ZMYND8: variants seen among roughly 807,000 people sequenced by gnomAD.
ZMYND8 encodes the protein MYND-type zinc finger-containing chromatin reader ZMYND8.
Under a neutral mutation model 140.8 loss-of-function variants are expected in ZMYND8, and 37 were observed. The observed-to-expected ratio is 0.26, with a 90% CI of 0.20 to 0.35. The LOEUF is 0.35. ZMYND8 is among the 10% of genes least tolerant of loss of function. The pLI, the probability that ZMYND8 is intolerant of heterozygous loss-of-function variation, is 1.00. For synonymous variants in ZMYND8, 592 were observed against 597.1 expected (o/e 0.99, Z 0.12); for missense variants, 1,068 against 1,570.0 (o/e 0.68, Z 5.40).
At chr20:47,238,673 AAAAAT>A in intron 15 of ZMYND8, 80 bp downstream of exon 15, 2 of 1,542,908 alleles carry the variant, frequency 1.3e-6, no homozygotes, top group South Asian at 2.4e-5. Flanking sequence ...ACTAAAAAAA[AAAAAT>A]AAAAGAGCAA....
intron 14 of ZMYND8, among the ~76,000 whole-genome samples, chr20:47,244,739 G>A (rs542528249): frequency 6.6e-6 from 1 of 152,328 alleles, no homozygotes; most frequent in East Asian, 1.9e-4. Context: ...GAAACTCTGA[G>A]CTAAGTTAAA....
At chr20:47,264,986 G>A (rs1447657328) in intron 11 of ZMYND8, among the ~76,000 whole-genome samples, 4 of 151,374 alleles carry the variant, frequency 2.6e-5, no homozygotes, top group South Asian at 2.1e-4. Flanking sequence ...GCAGTGAACC[G>A]TGATCATGCC....
intron 1 of ZMYND8, chr20:47,355,464 A>C (rs2083144586): frequency 2.0e-6 from 2 of 985,372 alleles, no homozygotes; most frequent in African/African-American, 3.5e-5. Context: ...CAAATGTTCA[A>C]GCAACCGTCT....
At chr20:47,273,216 A>G (rs2076063937) in intron 11 of ZMYND8, among the ~76,000 whole-genome samples, 1 of 152,134 alleles carries the variant, frequency 6.6e-6, no homozygotes, top group Non-Finnish European at 1.5e-5. Flanking sequence ...GTATTTTAAC[A>G]TTTTTTTAAT....
intron 2 of ZMYND8, among the ~76,000 whole-genome samples, chr20:47,340,272 C>T (rs543988081): frequency 8.4e-4 from 127 of 151,292 alleles, no homozygotes; most frequent in Non-Finnish European, 1.5e-3. Context: ...CTCAATGACA[C>T]CTTGCCTCTC....
intron 1 of ZMYND8, chr20:47,352,940 T>C (rs1191298639): frequency 6.6e-6 from 1 of 152,228 alleles, no homozygotes; most frequent in African/African-American, 2.4e-5. Flanking sequence ...TTCTGAAACA[T>C]ATTCCCTTTT....
chr20:47,345,721 C>T (rs1201433049), intron 2 of ZMYND8, among the ~76,000 whole-genome samples: 1 of 151,672 alleles, frequency 6.6e-6, no homozygotes, highest in Admixed American at 6.6e-5. Context: ...GTTGCCCAGG[C>T]TGGTCTCGAA....
chr20:47,294,886 A>C, intron 4 of ZMYND8, 107 bp from the exon 5 acceptor site: 8 of 1,002,802 alleles, frequency 8.0e-6, no homozygotes, highest in East Asian at 2.4e-5. Context: ...AGCAATTCTC[A>C]TCCCAATGAG....
At chr20:47,244,263 A>G (rs982255788) in intron 14 of ZMYND8, among the ~76,000 whole-genome samples, 2 of 152,202 alleles carry the variant, frequency 1.3e-5, no homozygotes, top group Non-Finnish European at 2.9e-5. Flanking sequence ...CAAGATTTAA[A>G]CCTGGCTATC....
chr20:47,264,745 C>T (rs1354451921), intron 11 of ZMYND8, among the ~76,000 whole-genome samples: 1 of 152,060 alleles, frequency 6.6e-6, no homozygotes, highest in African/African-American at 2.4e-5. Context: ...CACGAAGAAA[C>T]AAGAATATGC....
chr20:47,291,860 A>G lies in ZMYND8; in HGVS notation c.596T>C (p.Leu199Ser), dbSNP rs763151331. Residue 199 changes from leucine (L) to serine (S), a missense_variant, in exon 6 of 23, where the codon TTG becomes TCG. By Grantham distance (145) the Leu-to-Ser change is moderately radical (BLOSUM62 -2). This residue lies in a region of ZMYND8 where 109 missense variants were observed against 314.9 expected (regional missense o/e 0.35). Transcript: ENST00000471951. ...TTCCGCATAGTCAGGGTGCTGTTCC[A>G]ATGGAACGGGCTTCTGGAATGCATC... ...GTDAFQKPVP[L>S]EQHPDYAEYI... The G allele has an allele frequency of 6.2e-7, 1 of 1,613,260 alleles. No individual in the cohort carries two copies. Among genetic ancestry groups the G allele is most frequent in the African/African-American group, 1.3e-5 (1 of 75,024 alleles).
chr20:47,342,776 G>A (rs1249114955), intron 2 of ZMYND8, among the ~76,000 whole-genome samples: 1 of 150,720 alleles, frequency 6.6e-6, no homozygotes, highest in Admixed American at 6.6e-5. Flanking sequence ...TGAACTAGGA[G>A]GTGGAAGTCA....
In ZMYND8 at chr20:47,283,631, T is replaced by G; in HGVS notation, c.822A>C (p.Val274=). 1 of 1,614,076 alleles carries G rather than the reference T, an allele frequency of 6.2e-7. No individual in the cohort carries two copies. Among genetic ancestry groups the G allele is most frequent in the South Asian group, 1.1e-5 (1 of 91,084 alleles). The change falls in exon 9 of 23, where the codon GTA becomes GTC. Residue 274 remains valine, a synonymous_variant. Transcript: ENST00000471951. ...ICEHEMNEIE[V]CPECYLAACQ... The stretch of plus-strand genomic sequence containing the variant: ...AAGCAGCTAGATAACATTCTGGACA[T>G]ACTTCGATTTCATTCATCTGTAAAG...
chr20:47,317,193 C>A (rs976880305), intron 2 of ZMYND8, among the ~76,000 whole-genome samples: 1 of 152,228 alleles, frequency 6.6e-6, no homozygotes. Flanking sequence ...GTTTCAGGAA[C>A]TGGGAAAAGG....
chr20:47,287,364 T>C lies in ZMYND8; in HGVS notation c.749-80A>G, dbSNP rs991802519. On this transcript the variant is annotated intron_variant, in intron 7 of 22. Coordinates refer to ENST00000471951, the MANE Select transcript of ZMYND8 (RefSeq NM_001281775.3). The stretch of plus-strand genomic sequence containing the variant: ...CTGGGGACTTTACTTCCGCTAACAA[T>C]GTGTTTACTTGCTTTTCCCCCAGGA... The C allele has an allele frequency of 1.1e-5, 13 of 1,187,930 alleles. 1 individual carries two copies. The South Asian group carries it at 1.5e-4, about 14-fold the overall frequency. 73.6% of individuals were successfully genotyped at this position (1,187,930 alleles called of 1,614,324 possible). A position where few individuals can be genotyped will look rare whatever the true frequency, so the allele number is the denominator to read the frequency against.
intron 11 of ZMYND8, among the ~76,000 whole-genome samples, chr20:47,266,816 T>A (rs2075558143): frequency 6.7e-6 from 1 of 150,070 alleles, no homozygotes; most frequent in East Asian, 1.9e-4. Flanking sequence ...CAAAGCACTC[T>A]GTGTGTGTGT....
At chr20:47,326,368 C>T (rs1373652839) in intron 2 of ZMYND8, among the ~76,000 whole-genome samples, 1 of 152,202 alleles carries the variant, frequency 6.6e-6, no homozygotes, top group African/African-American at 2.4e-5. Flanking sequence ...TCCCAAAGAG[C>T]TGGGATTCCA....
At chr20:47,246,634 CATCACATTGGCCTAA>C in intron 13 of ZMYND8, 117 bp from the exon 14 acceptor site, 1 of 1,402,310 alleles carries the variant, frequency 7.1e-7, no homozygotes, top group East Asian at 2.4e-5. Context: ...TTTCAAATCG[CATCACATTGGCCTAA>C]ATGGGGCCAG....
At chr20:47,307,858 G>A (rs1024523913) in intron 3 of ZMYND8, among the ~76,000 whole-genome samples, 12 of 151,518 alleles carry the variant, frequency 7.9e-5, no homozygotes, top group Admixed American at 1.3e-4. Flanking sequence ...GGTGGCTCAC[G>A]CCTGTAATCC....
Sources: gnomAD v4.1 joint callset for allele counts (sites outside exome capture counted in the v4.1 genomes callset) on GRCh38, gnomAD v4.1.1 for gene constraint, gnomAD v4.1.1 regional missense constraint, MANE v1.5 for transcripts, NCBI Gene and HGNC (gene_info 2026-07-23, HGNC 2026-07-21) for gene names.